Variants in RARB observed in about 807,000 individuals in gnomAD.
RARB encodes retinoic acid receptor beta.
RARB carries 17 observed loss-of-function variants against 51.9 expected under a neutral mutation model. The ratio of observed to expected loss-of-function variants is 0.33; its 90% confidence interval spans 0.22 to 0.49. The LOEUF is 0.49. RARB is among the 20% of genes least tolerant of loss of function. The probability of loss-of-function intolerance (pLI) is 0.99; values close to 1 mark genes in which losing one functional copy is unlikely to be tolerated. For synonymous variants in RARB, 215 were observed against 195.4 expected, an observed-to-expected ratio of 1.10 and a Z score of -0.84; for missense variants, 369 against 550.8, an observed-to-expected ratio of 0.67 and a Z score of 3.30.
intron 2 of RARB, among the ~76,000 whole-genome samples, chr3:25,486,460 A>G (rs1298674301): frequency 6.6e-6 from 1 of 152,162 alleles, no homozygotes; most frequent in Non-Finnish European, 1.5e-5. Flanking sequence ...GGCAGAGGAT[A>G]TTTGGCCAAC....
intron 5 of RARB, among the ~76,000 whole-genome samples, chr3:25,266,378 A>G (rs1703127143): frequency 6.6e-6 from 1 of 152,132 alleles, no homozygotes; most frequent in Non-Finnish European, 1.5e-5. Context: ...TTTTTCAATG[A>G]TTGAATTATT....
intron 3 of RARB, among the ~76,000 whole-genome samples, chr3:25,068,919 C>A (rs1285692296): frequency 6.6e-6 from 1 of 151,676 alleles, no homozygotes; most frequent in African/African-American, 2.4e-5. Flanking sequence ...GGGCCATAAA[C>A]TTTATGAAAA....
intron 2 of RARB, among the ~76,000 whole-genome samples, 188 bp downstream of exon 2, chr3:25,461,529 C>A (rs1181712120): frequency 6.6e-6 from 1 of 152,204 alleles, no homozygotes; most frequent in Admixed American, 6.5e-5. Flanking sequence ...GAAACTTCTG[C>A]AAATGACTGA....
chr3:25,551,623 G>A (rs936850243), intron 3 of RARB, among the ~76,000 whole-genome samples: 4 of 152,152 alleles, frequency 2.6e-5, no homozygotes, highest in Non-Finnish European at 5.9e-5. Flanking sequence ...CACATCTGAC[G>A]CTTAGGAGAA....
intron 2 of RARB, among the ~76,000 whole-genome samples, chr3:24,973,560 T>A (rs920995910): frequency 6.6e-5 from 10 of 152,064 alleles, no homozygotes; most frequent in African/African-American, 2.2e-4. Context: ...TTTAGTAGTC[T>A]CATTTTAACA....
intron 3 of RARB, among the ~76,000 whole-genome samples, chr3:25,084,732 C>T: frequency 6.6e-6 from 1 of 150,390 alleles, no homozygotes; most frequent in African/African-American, 2.4e-5. Flanking sequence ...TATATTCCAT[C>T]TGTTTGGGGT....
At chr3:25,139,479 A>G (rs1429777811) in intron 4 of RARB, among the ~76,000 whole-genome samples, 17 of 152,216 alleles carry the variant, frequency 1.1e-4, no homozygotes, top group Non-Finnish European at 2.5e-4. Context: ...CACCTAATCC[A>G]GAGCAAAGTC....
chr3:24,978,847 G>A (rs1268797944), intron 2 of RARB, among the ~76,000 whole-genome samples: 2 of 151,944 alleles, frequency 1.3e-5, no homozygotes, highest in East Asian at 3.9e-4. Flanking sequence ...TGATGTTAGG[G>A]TGTCTATTTT....
At chr3:25,141,086 A>C (rs1009212366) in intron 4 of RARB, among the ~76,000 whole-genome samples, 3 of 152,136 alleles carry the variant, frequency 2.0e-5, no homozygotes, top group Non-Finnish European at 4.4e-5. Context: ...TCTGGAACTA[A>C]ACATGTAATA....
At chr3:25,518,570 C>T (rs1698274541) in intron 3 of RARB, among the ~76,000 whole-genome samples, 1 of 152,030 alleles carries the variant, frequency 6.6e-6, no homozygotes, top group Non-Finnish European at 1.5e-5. Flanking sequence ...TCCTTATGAC[C>T]TTAGACCCAA....
intron 3 of RARB, among the ~76,000 whole-genome samples, chr3:25,554,974 C>G (rs1699998520): frequency 6.6e-6 from 1 of 152,172 alleles, no homozygotes; most frequent in South Asian, 2.1e-4. Flanking sequence ...ATAAGTTAAT[C>G]TACTCCTGAT....
chr3:24,875,343 G>A (rs1050689159), intron 2 of RARB, among the ~76,000 whole-genome samples: 16 of 152,032 alleles, frequency 1.1e-4, no homozygotes, highest in Non-Finnish European at 2.9e-5. Context: ...GATCTGATGT[G>A]GTCTGTACAG....
chr3:24,859,757 T>C (rs1328065870), intron 2 of RARB, among the ~76,000 whole-genome samples: 1 of 152,238 alleles, frequency 6.6e-6, no homozygotes, highest in Non-Finnish European at 1.5e-5. Flanking sequence ...GTAAATATTT[T>C]AGGCTTTTTG....
intron 1 of RARB, among the ~76,000 whole-genome samples, chr3:25,451,026 G>T (rs1452242812): frequency 1.3e-5 from 2 of 152,204 alleles, no homozygotes; most frequent in African/African-American, 4.8e-5. Flanking sequence ...GGCGGAGGTT[G>T]CAGTGAGCTG....
At chr3:25,383,451 A>G (rs1288223543) in intron 5 of RARB, among the ~76,000 whole-genome samples, 1 of 152,168 alleles carries the variant, frequency 6.6e-6, no homozygotes, top group Non-Finnish European at 1.5e-5. Flanking sequence ...CTATCCTCCA[A>G]TATTTTCCCA....
At chr3:25,319,621 A>G (rs1553603775) in intron 5 of RARB, among the ~76,000 whole-genome samples, 1 of 150,826 alleles carries the variant, frequency 6.6e-6, no homozygotes, top group Admixed American at 6.6e-5. Context: ...TCCGTTCAAC[A>G]TGATTGCATG....
intron 5 of RARB, among the ~76,000 whole-genome samples, chr3:25,334,738 A>G (rs1705014084): frequency 6.6e-6 from 1 of 152,202 alleles, no homozygotes; most frequent in Non-Finnish European, 1.5e-5. Context: ...TTTCCTCTAA[A>G]AAGTGGAGCG....
chr3:25,105,146 AT>A (rs1699475142), intron 3 of RARB, among the ~76,000 whole-genome samples: 1 of 152,176 alleles, frequency 6.6e-6, no homozygotes, highest in East Asian at 1.9e-4. Context: ...TAATTACATT[AT>A]TTTTAGTGTC....
chr3:24,924,771 G>A (rs1028167857), intron 2 of RARB, among the ~76,000 whole-genome samples: 26 of 152,048 alleles, frequency 1.7e-4, no homozygotes, highest in African/African-American at 6.0e-4. Flanking sequence ...TGCAGGGCCC[G>A]AGCTCAAAAC....
Sources: allele counts gnomAD v4.1 joint callset (sites outside exome capture counted in the v4.1 genomes callset), GRCh38; gene constraint gnomAD v4.1.1; transcripts MANE v1.5; gene names NCBI Gene and HGNC (gene_info 2026-07-23, HGNC 2026-07-21).